Variants in PRIM2 observed in about 807,000 individuals in gnomAD.
PRIM2 encodes DNA primase large subunit.
In PRIM2, 39 loss-of-function variants were observed where a neutral mutation model predicts 67.3. The observed-to-expected ratio is 0.58, with a 90% CI of 0.45 to 0.76. The LOEUF is 0.76. Among genes scored for constraint, PRIM2 ranks in the 30% least tolerant of loss-of-function variants. PRIM2 has a pLI of 0.00. For synonymous variants in PRIM2, 143 were observed against 198.7 expected, an observed-to-expected ratio of 0.72 and a Z score of 2.36; for missense variants, 398 against 598.7, an observed-to-expected ratio of 0.66 and a Z score of 3.50.
At chr6:57,302,753 G>T in the PRIM2 span, among the ~76,000 whole-genome samples, 1 of 152,118 alleles carries the variant, frequency 6.6e-6, no homozygotes, top group Non-Finnish European at 1.5e-5. Flanking sequence ...ATTCTGGAAA[G>T]AACTCAGTCA....
intron 7 of PRIM2, among the ~76,000 whole-genome samples, chr6:57,429,065 A>G (rs1771732623): frequency 2.6e-5 from 4 of 152,146 alleles, no homozygotes; most frequent in African/African-American, 9.7e-5. Flanking sequence ...CTTCATCACT[A>G]TAATTTTGCC....
At chr6:57,592,987 G>A (rs1776307812) in intron 10 of PRIM2, among the ~76,000 whole-genome samples, 1 of 152,174 alleles carries the variant, frequency 6.6e-6, no homozygotes, top group Non-Finnish European at 1.5e-5. Flanking sequence ...GCTTGGGATA[G>A]AAGACAAAGT....
At chr6:57,288,958 T>C in the PRIM2 span, among the ~76,000 whole-genome samples, 1 of 152,122 alleles carries the variant, frequency 6.6e-6, no homozygotes, top group Admixed American at 6.6e-5. Flanking sequence ...ACGAGTTTGA[T>C]GAGTTGACAG....
intron 10 of PRIM2, among the ~76,000 whole-genome samples, chr6:57,538,075 G>A (rs1581976962): frequency 6.6e-6 from 1 of 152,004 alleles, no homozygotes; most frequent in Non-Finnish European, 1.5e-5. Flanking sequence ...GAGTGCAATG[G>A]TGCAATCATG....
At chr6:57,563,089 C>T (rs1438793917) in intron 10 of PRIM2, among the ~76,000 whole-genome samples, 3,021 of 152,140 alleles carry the variant, frequency 0.02, 47 homozygotes, top group Non-Finnish European at 0.03. Flanking sequence ...TCATGTCCCA[C>T]GTCTTGAGAG....
At chr6:57,487,264 G>A (rs1270061899) in intron 7 of PRIM2, among the ~76,000 whole-genome samples, 7 of 152,216 alleles carry the variant, frequency 4.6e-5, no homozygotes, top group East Asian at 3.9e-4. Flanking sequence ...GGAAACTTCC[G>A]TGTTGCCCAG....
chr6:57,275,747 A>C, the PRIM2 span, among the ~76,000 whole-genome samples: 2 of 152,138 alleles, frequency 1.3e-5, no homozygotes, highest in African/African-American at 4.8e-5. Flanking sequence ...TTGGGCCTAC[A>C]GTGGCTGGAG....
At chr6:57,314,389 G>A (rs886672872), upstream of PRIM2, among the ~76,000 whole-genome samples, 18 of 152,262 alleles carry the variant, frequency 1.2e-4, no homozygotes, top group Middle Eastern at 3.4e-3. Context: ...GGTGGCAGGC[G>A]CCTGTAATCC....
chr6:57,271,505 T>A, the PRIM2 span, among the ~76,000 whole-genome samples: 2 of 152,224 alleles, frequency 1.3e-5, no homozygotes, highest in African/African-American at 2.4e-5. Flanking sequence ...TCCGTCTATT[T>A]GATTCTTCCT....
intron 7 of PRIM2, among the ~76,000 whole-genome samples, chr6:57,474,463 C>T (rs1288426257): frequency 6.6e-6 from 1 of 151,954 alleles, no homozygotes; most frequent in Non-Finnish European, 1.5e-5. Flanking sequence ...CGTGAGCCAC[C>T]GCGCCCAGCT....
At chr6:57,549,581 A>G (rs1280891060) in intron 10 of PRIM2, among the ~76,000 whole-genome samples, 25 of 152,136 alleles carry the variant, frequency 1.6e-4, no homozygotes, top group African/African-American at 5.8e-4. Flanking sequence ...TATGTAATCT[A>G]TAATGTACTA....
chr6:57,259,403 C>T, the PRIM2 span, among the ~76,000 whole-genome samples: 2 of 152,186 alleles, frequency 1.3e-5, no homozygotes, highest in Admixed American at 6.5e-5. Context: ...TATGCAAGGT[C>T]TCTTAAGGCC....
the PRIM2 span, among the ~76,000 whole-genome samples, chr6:57,243,794 A>G: frequency 6.6e-6 from 1 of 152,172 alleles, no homozygotes; most frequent in Non-Finnish European, 1.5e-5. Context: ...TTTTTCATAC[A>G]AATCTGTTTC....
intron 5 of PRIM2, among the ~76,000 whole-genome samples, chr6:57,353,115 T>C (rs895269515): frequency 7.3e-6 from 1 of 137,550 alleles, no homozygotes; most frequent in Non-Finnish European, 1.5e-5. Flanking sequence ...ATTCCTTGTC[T>C]AATTGAGACC....
chr6:57,495,387 G>A (rs1773980326), intron 7 of PRIM2, among the ~76,000 whole-genome samples: 1 of 152,150 alleles, frequency 6.6e-6, no homozygotes. Context: ...TATCTATCAA[G>A]GAAGACATCA....
At chr6:57,368,027 T>C (rs2127320260) in intron 5 of PRIM2, among the ~76,000 whole-genome samples, 1 of 152,320 alleles carries the variant, frequency 6.6e-6, no homozygotes, top group South Asian at 2.1e-4. Flanking sequence ...GGGAAACAAA[T>C]TGCCCTTTAT....
intron 7 of PRIM2, among the ~76,000 whole-genome samples, chr6:57,427,155 A>C (rs1771660022): frequency 6.6e-6 from 1 of 152,168 alleles, no homozygotes; most frequent in Non-Finnish European, 1.5e-5. Context: ...AGTTTGTTTT[A>C]ATTCATCCTG....
chr6:57,360,943 CTT>C (rs5876539), intron 5 of PRIM2, among the ~76,000 whole-genome samples: 4 of 151,790 alleles, frequency 2.6e-5, no homozygotes, highest in Admixed American at 1.3e-4. Context: ...AGTGTTTTCT[CTT>C]TTTTTGCAGT....
the PRIM2 span, among the ~76,000 whole-genome samples, chr6:57,268,648 T>C: frequency 6.6e-6 from 1 of 152,102 alleles, no homozygotes; most frequent in African/African-American, 2.4e-5. Flanking sequence ...TTATTATTAT[T>C]ATACTTTAAG....
Sources: allele counts gnomAD v4.1 joint callset (sites outside exome capture counted in the v4.1 genomes callset), GRCh38; gene constraint gnomAD v4.1.1; transcripts MANE v1.5; gene names NCBI Gene and HGNC (gene_info 2026-07-23, HGNC 2026-07-21).